The following MAPK8IP3 variants were observed in gnomAD, a reference collection of about 807,000 sequenced individuals.
MAPK8IP3 encodes C-Jun-amino-terminal kinase-interacting protein 3.
A neutral mutation model predicts 157.8 loss-of-function variants in MAPK8IP3; 49 were observed. That is an observed-to-expected ratio of 0.31 (90% CI 0.25 to 0.39). The LOEUF (loss-of-function observed/expected upper bound fraction) is 0.39. MAPK8IP3 is among the 10% of genes least tolerant of loss of function. The pLI, the probability that MAPK8IP3 is intolerant of heterozygous loss-of-function variation, is 1.00. For missense variants in MAPK8IP3, 1,478 were observed against 1,889.4 expected (o/e 0.78, Z 4.04); for synonymous variants, 897 against 777.7 (o/e 1.15, Z -2.55).
At chr16:1,737,858 G>A (rs2040140630) in intron 4 of MAPK8IP3, among the ~76,000 whole-genome samples, 1 of 92,202 alleles carries the variant, frequency 1.1e-5, no homozygotes, top group Non-Finnish European at 2.1e-5. Flanking sequence ...GACCATCCAT[G>A]TGAGCATCTG....
intron 1 of MAPK8IP3, among the ~76,000 whole-genome samples, chr16:1,714,663 G>T (rs2038026354): frequency 1.3e-5 from 2 of 152,080 alleles, no homozygotes; most frequent in African/African-American, 4.8e-5. Context: ...TTCTCCCCAG[G>T]AAATGAATTC....
chr16:1,768,832 G>A lies in MAPK8IP3; in HGVS notation c.*8G>A, dbSNP rs951402726. On this transcript the variant is annotated 3_prime_UTR_variant, in exon 32 of 32. Transcript: ENST00000610761. ...TCCTACACCCCCGAGTGAAGCTGCT[G>A]CCCTGCCTGGCCCGACCTGTACATA... 5 of 1,611,380 alleles carry A rather than the reference G, an allele frequency of 3.1e-6. No individual in the cohort carries two copies. The highest frequency in any genetic ancestry group is 1.7e-4 in the Middle Eastern group (1 of 5,950).
intron 14 of MAPK8IP3, 73 bp from the exon 15 acceptor site, chr16:1,762,602 C>T (rs917087527): frequency 1.4e-5 from 22 of 1,547,718 alleles, no homozygotes; most frequent in East Asian, 1.1e-4. Flanking sequence ...TGCTTCCTGG[C>T]GGGAGCCAGA....
chr16:1,740,630 G>A (rs1216628500), intron 4 of MAPK8IP3, among the ~76,000 whole-genome samples: 1 of 152,214 alleles, frequency 6.6e-6, no homozygotes, highest in East Asian at 1.9e-4. Context: ...TCTAACGCCT[G>A]TCTCCTTGTC....
At chr16:1,728,730 G>A (rs1045035322) in intron 2 of MAPK8IP3, among the ~76,000 whole-genome samples, 5 of 135,228 alleles carry the variant, frequency 3.7e-5, no homozygotes, top group South Asian at 2.4e-4. Flanking sequence ...TTCTCCCCTC[G>A]CACAACGCAC....
intron 1 of MAPK8IP3, among the ~76,000 whole-genome samples, chr16:1,719,301 A>G (rs1279320897): frequency 6.6e-6 from 1 of 152,036 alleles, no homozygotes; most frequent in Non-Finnish European, 1.5e-5. Flanking sequence ...AAAAAAAAAA[A>G]TGGCCCCTTC....
At chr16:1,709,221 T>C (rs1199357651) in intron 1 of MAPK8IP3, among the ~76,000 whole-genome samples, 2 of 152,184 alleles carry the variant, frequency 1.3e-5, no homozygotes, top group Non-Finnish European at 2.9e-5. Context: ...TGACTCCCAA[T>C]GTGCTCTGAT....
chr16:1,763,151 C>T (rs1217261085), intron 16 of MAPK8IP3, 145 bp downstream of exon 16: 10 of 1,040,234 alleles, frequency 9.6e-6, no homozygotes, highest in South Asian at 7.6e-5. Context: ...TGACCTCTCC[C>T]TGCACACTGC....
intron 13 of MAPK8IP3, 139 bp from the exon 14 acceptor site, chr16:1,762,212 C>G: frequency 8.5e-7 from 1 of 1,173,366 alleles, no homozygotes; most frequent in South Asian, 1.6e-5. Context: ...TTGCCGACAC[C>G]CCTCCACACC....
intron 6 of MAPK8IP3, 115 bp downstream of exon 6, chr16:1,747,390 T>C: frequency 7.0e-7 from 1 of 1,422,432 alleles, no homozygotes; most frequent in Non-Finnish European, 9.4e-7. Context: ...GACGTGTTCC[T>C]CACAGCCCGG....
intron 5 of MAPK8IP3, 38 bp from the exon 6 acceptor site, chr16:1,746,991 A>T (rs1283540467): frequency 6.2e-6 from 10 of 1,605,134 alleles, no homozygotes; most frequent in Non-Finnish European, 8.5e-6. Flanking sequence ...AGGGACCTGC[A>T]GTGACTCGCT....
Position 1,766,904 on chromosome 16 carries a change from G to A in MAPK8IP3, c.3021G>A (p.Val1007=), listed in dbSNP as rs199928611. 7.4e-5 allele frequency: 119 copies of A among 1,604,168 alleles called. No homozygotes were observed. Among genetic ancestry groups the A allele is most frequent in the Admixed American group, 5.2e-4 (31 of 59,570 alleles). The change falls in exon 25 of 32, where the codon GTG becomes GTA. Residue 1007 remains valine (V), a splice_region_variant and synonymous_variant. Coordinates refer to ENST00000610761, the MANE Select transcript of MAPK8IP3 (RefSeq NM_001318852.2). ...IKLKDSVLSL[V]HVKGRVLVAL... is the part of the protein sequence containing the mutation. ...CAGGCTCACCGCATTCCTGTTTCAG[G>A]CATGTCAAAGGCCGTGTGCTGGTGG...
At chr16:1,760,068 G>A (rs2041846687) in intron 11 of MAPK8IP3, 53 bp downstream of exon 11, 1 of 1,602,716 alleles carries the variant, frequency 6.2e-7, no homozygotes, top group South Asian at 1.1e-5. Flanking sequence ...TCCTTGTCAG[G>A]GCTGGGAGAG....
rs148783347 is a variant in MAPK8IP3, at chr16:1,728,104, C to T, written c.440-1034C>T. On this transcript the variant is annotated intron_variant, in intron 2 of 31. Coordinates refer to ENST00000610761, the MANE Select transcript of MAPK8IP3 (RefSeq NM_001318852.2). Reference sequence around the variant, plus strand: ...ACAGCTGTGGAGGCGGCCATCAGGCCGGGGGCACGCATGCACCATTGGCGG... The same window carrying T: ...ACAGCTGTGGAGGCGGCCATCAGGCTGGGGGCACGCATGCACCATTGGCGG... 1.4e-4 allele frequency among the ~76,000 whole-genome samples: 21 copies of T among 152,344 alleles called. No homozygotes were observed. The East Asian group carries it at 2.3e-3, about 17-fold the overall frequency.
At chr16:1,708,498 C>T (rs1181492193) in intron 1 of MAPK8IP3, among the ~76,000 whole-genome samples, 6 of 152,214 alleles carry the variant, frequency 3.9e-5, no homozygotes, top group Non-Finnish European at 8.8e-5. Context: ...TCAAGATGGA[C>T]AACGTTAAGG....
chr16:1,729,678 C>T lies in MAPK8IP3; in HGVS notation c.602+100C>T, dbSNP rs1244917906. ...GGGTCGTAGTGCTTGTTATGGCCCG[C>T]GCTCTGGGCTCAGGACGACAGGGAA... On this transcript the variant is annotated intron_variant, in intron 4 of 31. Coordinates refer to ENST00000610761, the MANE Select transcript of MAPK8IP3 (RefSeq NM_001318852.2). 1.9e-5 allele frequency: 21 copies of T among 1,125,904 alleles called. No homozygotes were observed. The South Asian group carries it at 2.3e-4, about 12-fold the overall frequency. The allele number at this position is 1,125,904 out of a possible 1,614,324, so 69.7% of individuals were successfully genotyped here.
chr16:1,724,064 T>C lies in MAPK8IP3; in HGVS notation c.319-493T>C, dbSNP rs2038707487. Reference sequence around the variant, plus strand: ...TCAACCTTGTTCTTAGGCGTGGAGTTGAGGGGAGTCAGATGACTCCATTGC... The same window carrying C: ...TCAACCTTGTTCTTAGGCGTGGAGTCGAGGGGAGTCAGATGACTCCATTGC... On this transcript the variant is annotated intron_variant, in intron 1 of 31. Transcript: ENST00000610761. The surrounding 1 kb of genome is among the most constrained non-coding windows in gnomAD (Gnocchi z 4.1). Among the ~76,000 whole-genome samples the C allele has an allele frequency of 1.3e-5, 2 of 152,248 alleles. No individual in the cohort carries two copies. Among genetic ancestry groups the C allele is most frequent in the African/African-American group, 4.8e-5 (2 of 41,552 alleles).
chr16:1,767,477 A>G, intron 26 of MAPK8IP3, 87 bp from the exon 27 acceptor site: 1 of 1,528,200 alleles, frequency 6.5e-7, no homozygotes, highest in Non-Finnish European at 8.9e-7. Flanking sequence ...AGGGGACTGC[A>G]GGTGGCCCTG....
At chr16:1,767,411 A>T in intron 26 of MAPK8IP3, 114 bp downstream of exon 26, 1 of 1,508,282 alleles carries the variant, frequency 6.6e-7, no homozygotes, top group Non-Finnish European at 9.0e-7. Context: ...TCTCCCCTGT[A>T]CCACCTATGA....
Sources: allele counts gnomAD v4.1 joint callset (sites outside exome capture counted in the v4.1 genomes callset), GRCh38; gene constraint gnomAD v4.1.1; non-coding constraint Gnocchi (gnomAD v3.1); transcripts MANE v1.5; gene names NCBI Gene and HGNC (gene_info 2026-07-23, HGNC 2026-07-21).